PCDHGA3: variants seen among roughly 807,000 people sequenced by gnomAD.
PCDHGA3 encodes the protein protocadherin gamma-A3.
In PCDHGA3, 40 loss-of-function variants were observed where a neutral mutation model predicts 58.5. That is an observed-to-expected ratio of 0.68 (90% CI 0.53 to 0.89). The LOEUF is 0.89. Among genes scored for constraint, PCDHGA3 ranks in the 40% least tolerant of loss-of-function variants. PCDHGA3 has a pLI of 0.00. For synonymous variants in PCDHGA3, 530 were observed against 525.7 expected (o/e 1.01, Z -0.11); for missense variants, 1,223 against 1,195.9 (o/e 1.02, Z -0.33).
chr5:141,465,343 T>A (rs1221229916), intron 1 of PCDHGA3, among the ~76,000 whole-genome samples: 1 of 152,118 alleles, frequency 6.6e-6, no homozygotes, highest in Non-Finnish European at 1.5e-5. Flanking sequence ...TATTGGTTAC[T>A]GAAGAAAAAA....
rs1433790348 is a variant in PCDHGA3, at chr5:141,431,831, G to A, written c.2425-62976G>A. The A allele has an allele frequency of 1.2e-6, 2 of 1,614,110 alleles. No homozygotes were observed. The highest frequency in any genetic ancestry group is 1.7e-6 in the Non-Finnish European group (2 of 1,180,040). On this transcript the variant is annotated intron_variant, in intron 1 of 3. Transcript: ENST00000253812. The surrounding 1 kb of genome is among the most constrained non-coding windows in gnomAD (Gnocchi z 4.8). Reference sequence around the variant, plus strand: ...CACCTCTCTCGCCAGCTCGGTTCCCGAAAACTCTCCCAGAGGGACATTAAT... The same window carrying A: ...CACCTCTCTCGCCAGCTCGGTTCCCAAAAACTCTCCCAGAGGGACATTAAT...
At chr5:141,370,625 G>T (rs984746872) in intron 1 of PCDHGA3, 1 of 1,613,980 alleles carries the variant, frequency 6.2e-7, no homozygotes, top group Non-Finnish European at 8.5e-7. Context: ...TCTTTACCGT[G>T]AGCCCCGAAA....
chr5:141,388,043 C>T (rs952133270), intron 1 of PCDHGA3: 6 of 1,412,324 alleles, frequency 4.2e-6, no homozygotes, highest in Middle Eastern at 5.0e-4. Flanking sequence ...TCGCCACGGA[C>T]CTGGGGTTCA....
intron 1 of PCDHGA3, chr5:141,408,054 C>G (rs1561710214): frequency 1.5e-6 from 2 of 1,295,924 alleles, no homozygotes; most frequent in East Asian, 2.6e-5. Flanking sequence ...CACAGAGCCT[C>G]CCGGCTGCGC....
Position 141,485,842 on chromosome 5 carries a change from T to G in PCDHGA3, c.2425-8965T>G. 4 of 1,614,002 alleles carry G rather than the reference T, an allele frequency of 2.5e-6. No homozygotes were observed. The highest frequency in any genetic ancestry group is 3.4e-6 in the Non-Finnish European group (4 of 1,179,982). On this transcript the variant is annotated intron_variant, in intron 1 of 3. Coordinates refer to ENST00000253812, the MANE Select transcript of PCDHGA3 (RefSeq NM_018916.4). The surrounding 1 kb of genome is among the most constrained non-coding windows in gnomAD (Gnocchi z 5.7). ...TCGATGGAGGGAACCCGCCGAGATC[T>G]GGCACCGCAGAGCTCCGGGTATCCG...
chr5:141,418,244 C>G (rs746986702), intron 1 of PCDHGA3: 1 of 1,613,980 alleles, frequency 6.2e-7, no homozygotes. Flanking sequence ...TGTTAATGAC[C>G]ACGCCCCTCA....
intron 1 of PCDHGA3, chr5:141,364,901 T>C (rs867026353): frequency 1.9e-6 from 3 of 1,613,962 alleles, no homozygotes; most frequent in Middle Eastern, 3.3e-4. Context: ...TGGACAAAAG[T>C]ATCCGGAGCT....
At position 141,493,188 on chromosome 5, in the gene PCDHGA3, C is replaced by T. The variant is rs1292810486; in HGVS notation, c.2425-1619C>T. Among the ~76,000 whole-genome samples the T allele has an allele frequency of 2.6e-5, 4 of 152,216 alleles. No individual in the cohort carries two copies. Among genetic ancestry groups the T allele is most frequent in the Non-Finnish European group, 4.4e-5 (3 of 68,046 alleles). ...ATTGAGAGAAACTTACTATATAACT[C>T]CTTTGAGAACCTCATCTCATTTGCT... On this transcript the variant is annotated intron_variant, in intron 1 of 3. Coordinates refer to ENST00000253812, the MANE Select transcript of PCDHGA3 (RefSeq NM_018916.4). The surrounding 1 kb of genome is among the most constrained non-coding windows in gnomAD (Gnocchi z 4.3).
At chr5:141,350,721 C>T (rs1459818377) in intron 1 of PCDHGA3, 2 of 1,613,972 alleles carry the variant, frequency 1.2e-6, no homozygotes, top group Non-Finnish European at 1.7e-6. Flanking sequence ...CTGGATTCTG[C>T]TCAAGATGCA....
intron 1 of PCDHGA3, among the ~76,000 whole-genome samples, chr5:141,462,688 A>G (rs919098530): frequency 3.9e-5 from 6 of 152,126 alleles, no homozygotes; most frequent in African/African-American, 1.4e-4. Flanking sequence ...TTTTGAGCAC[A>G]TTTATAATGG....
At chr5:141,355,901 A>C (rs1188720944) in intron 1 of PCDHGA3, 6 of 1,613,670 alleles carry the variant, frequency 3.7e-6, no homozygotes, top group Non-Finnish European at 4.2e-6. Flanking sequence ...ATACTTGTGG[A>C]TACCAACGAT....
intron 1 of PCDHGA3, among the ~76,000 whole-genome samples, chr5:141,402,436 A>G (rs1441746239): frequency 2.6e-5 from 4 of 152,178 alleles, no homozygotes; most frequent in African/African-American, 9.6e-5. Flanking sequence ...GCATCATAAA[A>G]AGGAAATTAT....
chr5:141,408,144 G>C (rs868032463), intron 1 of PCDHGA3: 4 of 1,496,186 alleles, frequency 2.7e-6, no homozygotes, highest in East Asian at 2.5e-5. Context: ...CTTTTAGCGC[G>C]GTAGAGTGCA....
intron 1 of PCDHGA3, among the ~76,000 whole-genome samples, chr5:141,448,751 T>C (rs888567097): frequency 1.3e-5 from 2 of 151,804 alleles, no homozygotes; most frequent in South Asian, 4.2e-4. Context: ...CCATCCTGGC[T>C]AACACGGTGA....
intron 1 of PCDHGA3, chr5:141,392,932 A>T (rs1334314898): frequency 6.2e-7 from 1 of 1,613,830 alleles, no homozygotes; most frequent in African/African-American, 1.3e-5. Flanking sequence ...GAAGAGACGG[A>T]CAAAGGCTCC....
At chr5:141,504,450 T>C (rs931613781) in intron 2 of PCDHGA3, among the ~76,000 whole-genome samples, 1 of 151,918 alleles carries the variant, frequency 6.6e-6, no homozygotes, top group Non-Finnish European at 1.5e-5. Context: ...ACTAGTGCCA[T>C]GTGGGGCAGC....
In PCDHGA3 at chr5:141,512,470, T is replaced by G. The variant is rs2099884244; in HGVS notation, c.*1297T>G. On this transcript the variant is annotated 3_prime_UTR_variant, in exon 4 of 4. Transcript: ENST00000253812. ...TTCACCTTGCCAGGTGCCGTTTCTC[T>G]TCCGTGAAGGCCACTGCCCAGGTCC... 6.5e-6 allele frequency: 1 copy of G among 152,892 alleles called. No individual in the cohort carries two copies. The highest frequency in any genetic ancestry group is 2.1e-4 in the South Asian group (1 of 4,834). 9.5% of individuals were successfully genotyped at this position (152,892 alleles called of 1,614,324 possible).
chr5:141,390,479 T>C lies in PCDHGA3; in HGVS notation c.2424+44022T>C, dbSNP rs143576019. On this transcript the variant is annotated intron_variant, in intron 1 of 3. Coordinates refer to ENST00000253812, the MANE Select transcript of PCDHGA3 (RefSeq NM_018916.4). Reference sequence around the variant, plus strand: ...GTAGGAGCAATTGTGTGGCCCAACATTTGTTTGTTTTTTAGCCAAGCTTAG... The same window carrying C: ...GTAGGAGCAATTGTGTGGCCCAACACTTGTTTGTTTTTTAGCCAAGCTTAG... 1.6e-3 allele frequency: 1,064 copies of C among 668,890 alleles called. 6 individuals are homozygous for C. The highest frequency in any genetic ancestry group is 0.016 in the African/African-American group (871 of 55,142). The allele number at this position is 668,890 out of a possible 1,614,324, so 41.4% of individuals were successfully genotyped here.
chr5:141,344,997 C>A lies in PCDHGA3; in HGVS notation c.964C>A (p.Gln322Lys). The A allele has an allele frequency of 6.2e-7, 1 of 1,613,934 alleles. No individual in the cohort carries two copies. The highest frequency in any genetic ancestry group is 2.2e-5 in the East Asian group (1 of 44,882). ...GTTCTATGAAATTAAAATTGAAGCA[C>A]AGGATGGACCAGGTCTTCTTTCAAG... ...AMFYEIKIEA[Q>K]DGPGLLSRAK... Residue 322 changes from glutamine to lysine, a missense_variant, in exon 1 of 4, where the codon CAG becomes AAG. Physicochemically the swap from Gln to Lys is moderately conservative, Grantham distance 53. Transcript: ENST00000253812.
Sources: allele counts gnomAD v4.1 joint callset (sites outside exome capture counted in the v4.1 genomes callset), GRCh38; gene constraint gnomAD v4.1.1; non-coding constraint Gnocchi (gnomAD v3.1); transcripts MANE v1.5; gene names NCBI Gene and HGNC (gene_info 2026-07-23, HGNC 2026-07-21).